The following NPIPB11 variants were observed in gnomAD, a reference collection of about 807,000 sequenced individuals.
The protein encoded by NPIPB11 is nuclear pore complex-interacting protein family member B11.
Under a neutral mutation model 32.8 loss-of-function variants are expected in NPIPB11, and 17 were observed. The ratio of observed to expected loss-of-function variants is 0.52; its 90% CI spans 0.35 to 0.78. The LOEUF (loss-of-function observed/expected upper bound fraction) is 0.78. Ranked by LOEUF, NPIPB11 falls within the 30% of genes least tolerant of loss-of-function variation. The pLI is 0.01. For missense variants in NPIPB11, 537 were observed against 1,000.4 expected (o/e 0.54, Z 6.25); for synonymous variants, 209 against 398.4 (o/e 0.52, Z 5.66).
At chr16:29,384,393 G>GA in intron 7 of NPIPB11, 104 bp from the exon 8 acceptor site, 1 of 491,390 alleles carries the variant, frequency 2.0e-6, no homozygotes, top group South Asian at 2.1e-5. Context: ...ATAGATTTTT[G>GA]CACCTTTCCA....
chr16:29,390,789 C>A (rs1963700185), intron 3 of NPIPB11, among the ~76,000 whole-genome samples: 2 of 151,614 alleles, frequency 1.3e-5, no homozygotes, highest in Admixed American at 1.3e-4. Flanking sequence ...CATGGAGAAA[C>A]ACTGTCTCTG....
chr16:29,402,577 ACC>A (rs1964016924), intron 2 of NPIPB11, among the ~76,000 whole-genome samples: 1 of 87,450 alleles, frequency 1.1e-5, no homozygotes. Context: ...TGGTGCACAC[ACC>A]TGTAGTCCCA....
rs1208702989 is a variant in NPIPB11, at chr16:29,402,738, G to C, written c.120+945C>G. 5.1e-3 allele frequency among the ~76,000 whole-genome samples: 733 copies of C among 142,484 alleles called. 10 individuals are homozygous for C. The highest frequency in any genetic ancestry group is 0.02 in the African/African-American group (678 of 33,198). 93.5% of individuals were successfully genotyped at this position (142,484 alleles called of 152,430 possible). On this transcript the variant is annotated intron_variant, in intron 2 of 7. Coordinates refer to ENST00000524087, the Ensembl canonical transcript of NPIPB11. ...TCTCTCTCTCTCTGTGTGTGTGTGT[G>C]TGTGTGTGTGTGTGTGTGTGTGTGT...
chr16:29,404,700 C>T (rs537393750), upstream of NPIPB11, among the ~76,000 whole-genome samples: 2 of 151,654 alleles, frequency 1.3e-5, no homozygotes, highest in East Asian at 3.9e-4. Flanking sequence ...CACCTAAGGG[C>T]TTTTGTATTT....
intron 2 of NPIPB11, among the ~76,000 whole-genome samples, chr16:29,403,075 GATA>G (rs1964035178): frequency 6.7e-6 from 1 of 148,462 alleles, no homozygotes; most frequent in African/African-American, 2.5e-5. Context: ...AATTTTGCAG[GATA>G]ATTTTTTTTT....
upstream of NPIPB11, among the ~76,000 whole-genome samples, chr16:29,405,207 C>T (rs1182219145): frequency 6.6e-6 from 1 of 151,966 alleles, no homozygotes; most frequent in African/African-American, 2.4e-5. Flanking sequence ...GGAAAAAACC[C>T]TCAATTTCCT....
At chr16:29,398,856 C>G (rs1434315900) in intron 2 of NPIPB11, among the ~76,000 whole-genome samples, 1 of 152,120 alleles carries the variant, frequency 6.6e-6, no homozygotes, top group Non-Finnish European at 1.5e-5. Flanking sequence ...TCCCCCCTAA[C>G]CCACCTAGAC....
chr16:29,399,912 A>G (rs2142137363), intron 2 of NPIPB11, among the ~76,000 whole-genome samples: 1 of 151,768 alleles, frequency 6.6e-6, no homozygotes, highest in Non-Finnish European at 1.5e-5. Flanking sequence ...CCCCGTCTCT[A>G]CTAAAAATAC....
In NPIPB11 at chr16:29,393,928, C is replaced by A. The variant is rs1035293111; in HGVS notation, c.249+20G>T. On this transcript the variant is annotated intron_variant, in intron 3 of 7. Transcript: ENST00000524087. ...ATTTGTGATTACAAGTATACCTCTA[C>A]AGAAAGTTAGTATACTCACCCAAAG... is the stretch of plus-strand genomic sequence containing the variant. The A allele has an allele frequency of 6.4e-7, 1 of 1,552,800 alleles. No individual in the cohort carries two copies. Among genetic ancestry groups the A allele is most frequent in the African/African-American group, 1.4e-5 (1 of 73,356 alleles).
chr16:29,397,310 G>A (rs1322801414), intron 2 of NPIPB11, among the ~76,000 whole-genome samples: 2 of 151,734 alleles, frequency 1.3e-5, no homozygotes, highest in Admixed American at 6.6e-5. Flanking sequence ...GGGCCCAAGC[G>A]ATCCTCCCAC....
chr16:29,389,367 TAAAA>T (rs1175211779), intron 5 of NPIPB11, among the ~76,000 whole-genome samples: 71 of 58,640 alleles, frequency 1.2e-3, no homozygotes, highest in Middle Eastern at 0.037. Flanking sequence ...ATCTCAAAAT[TAAAA>T]AAAAAAAAAA....
chr16:29,390,369 A>G (rs1963686846), intron 3 of NPIPB11, 21 bp from the exon 4 acceptor site: 1 of 1,477,262 alleles, frequency 6.8e-7, no homozygotes, highest in Non-Finnish European at 9.3e-7. Flanking sequence ...ATAATATAAG[A>G]ATGACGGCTG....
rs1459064203 is a variant in NPIPB11 at position 29,392,169 on chromosome 16, T to C, written c.249+1779A>G. 7.9e-5 allele frequency among the ~76,000 whole-genome samples: 12 copies of C among 152,098 alleles called. No individual in the cohort carries two copies. In the East Asian group the frequency reaches 2.3e-3, roughly 29 times the overall value. ...GCAACCACGTCAATCCCACAGCTACTGCTAGATTTCATAGGAAAGGTAGCT... is the reference window on the plus strand; with the variant it reads ...GCAACCACGTCAATCCCACAGCTACCGCTAGATTTCATAGGAAAGGTAGCT... On this transcript the variant is annotated intron_variant, in intron 3 of 7. Coordinates refer to ENST00000524087, the Ensembl canonical transcript of NPIPB11.
At chr16:29,389,793 A>T in intron 5 of NPIPB11, 148 bp downstream of exon 5, 1 of 1,200,478 alleles carries the variant, frequency 8.3e-7, no homozygotes, top group Non-Finnish European at 1.1e-6. Flanking sequence ...ATACAGCTTA[A>T]ACTAATGAAG....
At chr16:29,394,560 G>A (rs866596143) in intron 2 of NPIPB11, among the ~76,000 whole-genome samples, 18 of 149,438 alleles carry the variant, frequency 1.2e-4, no homozygotes, top group Non-Finnish European at 2.1e-4. Flanking sequence ...TCAGCCTCCC[G>A]AGTAGCTGAG....
chr16:29,390,530 G>C (rs1314522607), intron 3 of NPIPB11, among the ~76,000 whole-genome samples, 182 bp from the exon 4 acceptor site: 3 of 151,772 alleles, frequency 2.0e-5, no homozygotes, highest in Admixed American at 2.0e-4. Context: ...GCGGGCGCCT[G>C]TAATCCAAGC....
chr16:29,399,338 G>A (rs982128594), intron 2 of NPIPB11, among the ~76,000 whole-genome samples: 7 of 149,362 alleles, frequency 4.7e-5, no homozygotes, highest in African/African-American at 1.7e-4. Flanking sequence ...ATATTCTATT[G>A]ATGCTACAAA....
At position 29,402,754 on chromosome 16, in the gene NPIPB11, G is replaced by A. The variant is rs1272499021; in HGVS notation, c.120+929C>T. ...TGTGTGTGTGTGTGTGTGTGTGTGTGTGTGTGTGTGTATCTCTATATAAAT... is the reference window on the plus strand; with the variant it reads ...TGTGTGTGTGTGTGTGTGTGTGTGTATGTGTGTGTGTATCTCTATATAAAT... On this transcript the variant is annotated intron_variant, in intron 2 of 7. Coordinates refer to ENST00000524087, the Ensembl canonical transcript of NPIPB11. Among the ~76,000 whole-genome samples, 76 of 145,168 alleles carry A rather than the reference G, an allele frequency of 5.2e-4. No homozygotes were observed. The East Asian group carries it at 0.012, about 24-fold the overall frequency.
At chr16:29,401,205 A>C (rs1390932474) in intron 2 of NPIPB11, among the ~76,000 whole-genome samples, 1 of 152,186 alleles carries the variant, frequency 6.6e-6, no homozygotes, top group Non-Finnish European at 1.5e-5. Flanking sequence ...TCTGAAAGGA[A>C]CAGGAGACTT....
Sources: gnomAD v4.1 joint callset for allele counts (sites outside exome capture counted in the v4.1 genomes callset) on GRCh38, gnomAD v4.1.1 for gene constraint, MANE v1.5 for transcripts, NCBI Gene and HGNC (gene_info 2026-07-23, HGNC 2026-07-21) for gene names.